Variants in ASNSD1 observed in about 807,000 individuals in gnomAD.
The protein encoded by ASNSD1 is asparagine synthetase domain-containing protein 1.
ASNSD1 carries 36 observed loss-of-function variants against 48.3 expected under a neutral mutation model. The ratio of observed to expected loss-of-function variants is 0.75; its 90% CI spans 0.57 to 0.99. ASNSD1 has a LOEUF of 0.99. Ranked by LOEUF, ASNSD1 falls within the 50% of genes least tolerant of loss-of-function variation. The pLI is 0.00. For synonymous variants in ASNSD1, 257 were observed against 262.1 expected, an observed-to-expected ratio of 0.98 and a Z score of 0.19; for missense variants, 714 against 758.2, an observed-to-expected ratio of 0.94 and a Z score of 0.69.
intron 2 of ASNSD1, among the ~76,000 whole-genome samples, chr2:189,664,857 A>G (rs942414102): frequency 2.0e-5 from 3 of 152,210 alleles, no homozygotes; most frequent in African/African-American, 7.2e-5. Flanking sequence ...CAGCAGTTCC[A>G]TTTATAGTAG....
At chr2:189,662,316 C>T (rs2032686688) in intron 1 of ASNSD1, among the ~76,000 whole-genome samples, 1 of 152,226 alleles carries the variant, frequency 6.6e-6, no homozygotes, top group Non-Finnish European at 1.5e-5. Context: ...TCAGGTATTA[C>T]ATGTCCTAGA....
Position 189,666,364 on chromosome 2 carries a change from G to T in ASNSD1, c.232G>T (p.Glu78Ter), listed in dbSNP as rs1472849676. 6.2e-7 allele frequency: 1 copy of T among 1,613,814 alleles called. No individual in the cohort carries two copies. The highest frequency in any genetic ancestry group is 8.5e-7 in the Non-Finnish European group (1 of 1,179,804). Residue 78 changes from glutamate to a stop codon, truncating the protein, a stop_gained, in exon 4 of 6, where the codon GAA becomes TAA. Coordinates refer to ENST00000260952, the MANE Select transcript of ASNSD1 (RefSeq NM_019048.4). LOFTEE classifies it high-confidence loss of function. ...ERGNVFLWNG[E>*]IFSGIKVEAE... ...AGGCAATGTGTTTCTATGGAATGGA[G>T]AAATTTTTAGTGGAATAAAGGTTGA...
chr2:189,669,541 A>C (rs185276616), intron 5 of ASNSD1, among the ~76,000 whole-genome samples: 1 of 152,358 alleles, frequency 6.6e-6, no homozygotes, highest in African/African-American at 2.4e-5. Context: ...TTCTCTAGTT[A>C]AATTTGCTTT....
intron 1 of ASNSD1, among the ~76,000 whole-genome samples, chr2:189,663,047 G>A (rs2032704580): frequency 6.6e-6 from 1 of 151,622 alleles, no homozygotes; most frequent in South Asian, 2.1e-4. Flanking sequence ...AACATGATAG[G>A]TCTTACTGTC....
rs758014819 is a variant in ASNSD1 at position 189,670,634 on chromosome 2, G to GA, written c.1846dup (p.Ile616AsnfsTer2). 6.2e-7 allele frequency: 1 copy of GA among 1,613,802 alleles called. No homozygotes were observed. Among genetic ancestry groups the GA allele is most frequent in the Admixed American group, 1.7e-5 (1 of 59,970 alleles). ...GTTTGGATCAAGAATTGCAAAAATGGAAAAAATTAATGAAAAGGCATCTGA... is the reference window on the plus strand; with the variant it reads ...GTTTGGATCAAGAATTGCAAAAATGGAAAAAAATTAATGAAAAGGCATCTGA... On this transcript the variant is annotated frameshift_variant, in exon 6 of 6. Transcript: ENST00000260952. LOFTEE classifies it high-confidence loss of function.
intron 5 of ASNSD1, among the ~76,000 whole-genome samples, chr2:189,669,366 A>G (rs2032875968): frequency 6.6e-6 from 1 of 152,236 alleles, no homozygotes; most frequent in African/African-American, 2.4e-5. Flanking sequence ...TTGTCTAGTA[A>G]AAGCCCTTAC....
intron 5 of ASNSD1, among the ~76,000 whole-genome samples, chr2:189,669,043 A>G (rs2032870546): frequency 6.6e-6 from 1 of 152,174 alleles, no homozygotes. Context: ...AGAATTAAAC[A>G]TACTACACTT....
Position 189,661,496 on chromosome 2 carries a change from C to G in ASNSD1, c.-337C>G, listed in dbSNP as rs1420155076. The G allele has an allele frequency of 7.5e-6, 3 of 399,158 alleles. No individual in the cohort carries two copies. The highest frequency in any genetic ancestry group is 2.1e-5 in the African/African-American group (1 of 48,640). 24.7% of individuals were successfully genotyped at this position (399,158 alleles called of 1,614,324 possible). On this transcript the variant is annotated 5_prime_UTR_variant, in exon 1 of 6. In the 5' UTR this introduces an upstream ATG that the reference lacks. Coordinates refer to ENST00000260952, the MANE Select transcript of ASNSD1 (RefSeq NM_019048.4). Reference sequence around the variant, plus strand: ...GTAGGCTCCTTCAGGGCTGAGCCATCCCGCGTGTCTTGCGCTCGGTGGAAA... The same window carrying G: ...GTAGGCTCCTTCAGGGCTGAGCCATGCCGCGTGTCTTGCGCTCGGTGGAAA...
chr2:189,661,920 T>C (rs2032674131), intron 1 of ASNSD1, among the ~76,000 whole-genome samples: 1 of 152,172 alleles, frequency 6.6e-6, no homozygotes, highest in African/African-American at 2.4e-5. Context: ...CCAAATCTGT[T>C]CCATCAAAGA....
Position 189,666,801 on chromosome 2 carries a change from A to G in ASNSD1, c.669A>G (p.Pro223=), listed in dbSNP as rs761620700. 31 of 1,613,866 alleles carry G rather than the reference A, an allele frequency of 1.9e-5. No individual in the cohort carries two copies. Among genetic ancestry groups the G allele is most frequent in the East Asian group, 6.7e-5 (3 of 44,890 alleles). ...TGAGTCAAATTTCAGCAGACTTACC[A>G]GCATTTGTATCAGTGGTAGCAAATG... The part of the protein sequence containing the change: ...NSLSQISADL[P]AFVSVVANEA... Residue 223 remains proline (P), a synonymous_variant, in exon 4 of 6, where the codon CCA becomes CCG. Transcript: ENST00000260952.
At chr2:189,665,981 C>G (rs1188966664) in intron 3 of ASNSD1, 60 bp from the exon 4 acceptor site, 2 of 769,046 alleles carry the variant, frequency 2.6e-6, no homozygotes, top group Non-Finnish European at 3.9e-6. Flanking sequence ...CTCTGAATTG[C>G]TAGGTAAAAG....
intron 5 of ASNSD1, among the ~76,000 whole-genome samples, chr2:189,670,090 C>G (rs545220262): frequency 6.6e-6 from 1 of 150,726 alleles, no homozygotes; most frequent in Non-Finnish European, 1.5e-5. Context: ...AGGTGGGTCA[C>G]TTGAGTTCAG....
intron 3 of ASNSD1, 145 bp downstream of exon 3, chr2:189,665,596 GTGTATATATATA>G (rs1475831091): frequency 0.061 from 6,791 of 111,488 alleles, 584 homozygotes; most frequent in African/African-American, 0.071. Context: ...ATATATATAT[GTGTATATATATA>G]TATATATATA....
chr2:189,662,948 C>CAAAAAAAAAAAAAAAAAAAAAACCAAAAA, intron 1 of ASNSD1, among the ~76,000 whole-genome samples: 1 of 77,004 alleles, frequency 1.3e-5, no homozygotes, highest in Non-Finnish European at 2.5e-5. Context: ...GACCCTGTTT[C>CAAAAAAAAAAAAAAAAAAAAAACCAAAAA]AAAAAAAAAA....
chr2:189,665,421 G>C lies in ASNSD1; in HGVS notation c.-123G>C. ...GAACAGCAATATATTCTTTCTTGCA[G>C]ACCGAACAGAAATGCTGTCTGAGAG... On this transcript the variant is annotated 5_prime_UTR_variant, in exon 3 of 6. Transcript: ENST00000260952. The C allele has an allele frequency of 5.0e-6, 2 of 397,660 alleles. No homozygotes were observed. The highest frequency in any genetic ancestry group is 4.4e-6 in the Non-Finnish European group (1 of 225,526). The allele number at this position is 397,660 out of a possible 1,614,324, so 24.6% of individuals were successfully genotyped here. A position where few individuals can be genotyped will look rare whatever the true frequency, so the allele number is the denominator to read the frequency against.
chr2:189,669,751 A>G (rs115350324), intron 5 of ASNSD1, among the ~76,000 whole-genome samples: 1,583 of 152,322 alleles, frequency 0.01, 33 homozygotes, highest in African/African-American at 0.036. Context: ...GGAAAAGGGC[A>G]GAAAGTTTTT....
In ASNSD1 at chr2:189,670,661, A is replaced by G. The variant is rs1165972814; in HGVS notation, c.1867A>G (p.Lys623Glu). Residue 623 changes from lysine to glutamate, a missense_variant, in exon 6 of 6, where the codon AAA becomes GAA. Coordinates refer to ENST00000260952, the MANE Select transcript of ASNSD1 (RefSeq NM_019048.4). ...AAAAATTAATGAAAAGGCATCTGAT[A>G]AATGTGGACGGCTCCAAATCATGTC... The part of the protein sequence containing the change: ...MEKINEKASD[K>E]CGRLQIMSLE... The G allele has an allele frequency of 9.9e-6, 16 of 1,613,666 alleles. No individual in the cohort carries two copies. The highest frequency in any genetic ancestry group is 1.3e-5 in the Non-Finnish European group (15 of 1,179,772).
In ASNSD1 at chr2:189,666,441, G is replaced by A. The variant is rs763256540; in HGVS notation, c.309G>A (p.Lys103=). ...QILFNYLSSC[K]NESEILSLFS... ...TGTTTAATTATCTTTCCTCCTGTAA[G>A]AATGAATCTGAGATTTTGTCACTCT... The change falls in exon 4 of 6, where the codon AAG becomes AAA. Residue 103 remains lysine, a synonymous_variant. Transcript: ENST00000260952. 6 of 1,613,824 alleles carry A rather than the reference G, an allele frequency of 3.7e-6. No homozygotes were observed. Among genetic ancestry groups the A allele is most frequent in the African/African-American group, 1.3e-5 (1 of 75,036 alleles).
Position 189,666,768 on chromosome 2 carries a change from T to A in ASNSD1, c.636T>A (p.Val212=), listed in dbSNP as rs1446854168. The change falls in exon 4 of 6, where the codon GTT becomes GTA. Residue 212 remains valine, a synonymous_variant. Coordinates refer to ENST00000260952, the MANE Select transcript of ASNSD1 (RefSeq NM_019048.4). Reference sequence around the variant, plus strand: ...GGGAGAATATTATTGAAGAAAATGTTAATAGCCTGAGTCAAATTTCAGCAG... The same window carrying A: ...GGGAGAATATTATTGAAGAAAATGTAAATAGCCTGAGTCAAATTTCAGCAG... ...ISRENIIEEN[V]NSLSQISADL... 6.2e-7 allele frequency: 1 copy of A among 1,613,866 alleles called. No individual in the cohort carries two copies. Among genetic ancestry groups the A allele is most frequent in the Non-Finnish European group, 8.5e-7 (1 of 1,179,742 alleles).
Sources: gnomAD v4.1 joint callset for allele counts (sites outside exome capture counted in the v4.1 genomes callset) on GRCh38, gnomAD v4.1.1 for gene constraint, MANE v1.5 for transcripts, NCBI Gene and HGNC (gene_info 2026-07-23, HGNC 2026-07-21) for gene names.